Variants in EDC3 observed in about 807,000 individuals in gnomAD.
The protein encoded by EDC3 is enhancer of mRNA decapping 3.
Under a neutral mutation model 41.8 loss-of-function variants are expected in EDC3, and 20 were observed. The ratio of observed to expected loss-of-function variants is 0.48; its 90% CI spans 0.34 to 0.70. EDC3 has a LOEUF of 0.70. Among genes scored for constraint, EDC3 ranks in the 30% least tolerant of loss-of-function variants. The pLI, the probability that EDC3 is intolerant of heterozygous loss-of-function variation, is 0.01. For missense variants in EDC3, 444 were observed against 636.8 expected (o/e 0.70, Z 3.26); for synonymous variants, 206 against 243.2 (o/e 0.85, Z 1.42).
intron 4 of EDC3, among the ~76,000 whole-genome samples, chr15:74,655,425 T>A (rs2062533921): frequency 6.6e-6 from 1 of 152,132 alleles, no homozygotes; most frequent in African/African-American, 2.4e-5. Flanking sequence ...TGAAAATAGA[T>A]CTGAATATTT....
intron 6 of EDC3, chr15:74,635,123 T>C (rs1328716704): frequency 3.2e-6 from 2 of 625,606 alleles, no homozygotes; most frequent in Middle Eastern, 2.5e-4. Flanking sequence ...GAAGAATGGA[T>C]TTAAAAAAAT....
intron 5 of EDC3, chr15:74,636,839 T>C (rs2062279538): frequency 6.6e-6 from 1 of 152,134 alleles, no homozygotes; most frequent in South Asian, 2.1e-4. Context: ...TGCTGCAGAG[T>C]TGTGGAATCT....
chr15:74,652,810 G>T (rs1379834051), intron 4 of EDC3, among the ~76,000 whole-genome samples: 1 of 151,452 alleles, frequency 6.6e-6, no homozygotes, highest in Non-Finnish European at 1.5e-5. Context: ...GAACTCCTGA[G>T]TTCAAGCAAT....
intron 3 of EDC3, among the ~76,000 whole-genome samples, chr15:74,664,397 G>C (rs1415071296): frequency 6.6e-6 from 1 of 152,244 alleles, no homozygotes; most frequent in Non-Finnish European, 1.5e-5. Context: ...CAATTACAAG[G>C]GCCATGCAAG....
chr15:74,675,208 A>G (rs1218514470), intron 1 of EDC3, 66 bp from the exon 2 acceptor site: 1 of 1,452,846 alleles, frequency 6.9e-7, no homozygotes, highest in Admixed American at 1.7e-5. Context: ...AAATTCAGCA[A>G]ATATATCAGG....
chr15:74,643,160 G>A (rs2062374000), intron 4 of EDC3: 1 of 152,122 alleles, frequency 6.6e-6, no homozygotes, highest in Non-Finnish European at 1.5e-5. Flanking sequence ...AACAGACCAA[G>A]GGAATAAAAT....
At chr15:74,679,560 A>T (rs1418164647) in intron 1 of EDC3, among the ~76,000 whole-genome samples, 1 of 152,040 alleles carries the variant, frequency 6.6e-6, no homozygotes, top group Non-Finnish European at 1.5e-5. Flanking sequence ...ACAAAAACAA[A>T]ACTACAGAAT....
At chr15:74,660,796 C>T (rs765754046) in intron 3 of EDC3, among the ~76,000 whole-genome samples, 12 of 152,050 alleles carry the variant, frequency 7.9e-5, no homozygotes, top group Non-Finnish European at 1.8e-4. Context: ...TTTATTTTAA[C>T]TAAAAACAGT....
Position 74,655,968 on chromosome 15 carries a change from A to G in EDC3, c.585T>C (p.Asp195=). ...AATCTGTGTCTGGGATCTCCTCAAT[A>G]TCATCCCCGAAGCACTCGTCATCTT... The part of the protein sequence containing the change: ...KNKDDECFGD[D]IEEIPDTDFD... The change falls in exon 4 of 7, where the codon GAT becomes GAC. Residue 195 remains aspartate (D), a synonymous_variant. Coordinates refer to ENST00000315127, the MANE Select transcript of EDC3 (RefSeq NM_025083.5). The G allele has an allele frequency of 1.2e-6, 2 of 1,613,944 alleles. No homozygotes were observed. The highest frequency in any genetic ancestry group is 1.7e-6 in the Non-Finnish European group (2 of 1,179,998).
chr15:74,684,068 T>C (rs1423549343), intron 1 of EDC3, among the ~76,000 whole-genome samples: 3 of 151,156 alleles, frequency 2.0e-5, no homozygotes, highest in African/African-American at 7.3e-5. Flanking sequence ...TTTATATATT[T>C]TGGTTTTTTG....
intron 4 of EDC3, 146 bp downstream of exon 4, chr15:74,655,587 C>G: frequency 3.9e-6 from 3 of 777,348 alleles, no homozygotes; most frequent in Non-Finnish European, 6.0e-6. Flanking sequence ...CTGCAATCCC[C>G]AAGAGACAAT....
intron 4 of EDC3, among the ~76,000 whole-genome samples, chr15:74,654,025 G>T (rs767488774): frequency 1.3e-5 from 2 of 152,078 alleles, no homozygotes; most frequent in Non-Finnish European, 2.9e-5. Flanking sequence ...GGCCAAAGCA[G>T]GTGGATCACG....
At chr15:74,678,202 A>G (rs1341988506) in intron 1 of EDC3, among the ~76,000 whole-genome samples, 1 of 152,196 alleles carries the variant, frequency 6.6e-6, no homozygotes, top group Non-Finnish European at 1.5e-5. Context: ...AATGTACAAC[A>G]CCAAGAGTGA....
chr15:74,683,857 A>G (rs1295031596), intron 1 of EDC3, among the ~76,000 whole-genome samples: 4 of 152,186 alleles, frequency 2.6e-5, no homozygotes, highest in Non-Finnish European at 5.9e-5. Flanking sequence ...GGGGAGGGAA[A>G]GCTGGCATCT....
At chr15:74,654,411 T>C (rs890199688) in intron 4 of EDC3, among the ~76,000 whole-genome samples, 10 of 152,160 alleles carry the variant, frequency 6.6e-5, no homozygotes, top group African/African-American at 2.4e-4. Context: ...AAGGAAGCAG[T>C]CAGAGGTAGA....
chr15:74,673,199 G>T (rs927305737), intron 2 of EDC3, among the ~76,000 whole-genome samples: 1 of 152,052 alleles, frequency 6.6e-6, no homozygotes, highest in African/African-American at 2.4e-5. Flanking sequence ...AGAGGCAGTG[G>T]TACCAGTTAG....
chr15:74,693,289 G>C (rs537711561), intron 1 of EDC3, among the ~76,000 whole-genome samples: 1 of 152,110 alleles, frequency 6.6e-6, no homozygotes, highest in African/African-American at 2.4e-5. Context: ...TTTTATTATA[G>C]AACTCCTGTG....
At chr15:74,654,507 C>G (rs923837282) in intron 4 of EDC3, among the ~76,000 whole-genome samples, 1 of 152,150 alleles carries the variant, frequency 6.6e-6, no homozygotes, top group African/African-American at 2.4e-5. Flanking sequence ...AAATTAAACC[C>G]GATTCTGAGC....
chr15:74,644,671 T>A (rs2062392673), intron 4 of EDC3: 1 of 151,142 alleles, frequency 6.6e-6, no homozygotes, highest in East Asian at 1.9e-4. Flanking sequence ...TATATATATA[T>A]ATAAATAAAT....
Sources: allele counts gnomAD v4.1 joint callset (sites outside exome capture counted in the v4.1 genomes callset), GRCh38; gene constraint gnomAD v4.1.1; transcripts MANE v1.5; gene names NCBI Gene and HGNC (gene_info 2026-07-23, HGNC 2026-07-21).